The following PGBD2 variants were observed in gnomAD, a reference collection of about 807,000 sequenced individuals.
PGBD2 encodes the protein piggyBac transposable element-derived protein 2.
PGBD2 carries 6 observed loss-of-function variants against 8.1 expected under a neutral mutation model. The observed-to-expected ratio is 0.74, with a 90% confidence interval of 0.40 to 1.46. The LOEUF is 1.46. PGBD2 is among the 40% of genes most tolerant of loss of function. The pLI is 0.02. For missense variants in PGBD2, 802 were observed against 739.0 expected (o/e 1.09, Z -0.99); for synonymous variants, 318 against 272.2 (o/e 1.17, Z -1.66).
In PGBD2 at chr1:248,916,799, G is replaced by T; in HGVS notation, c.215G>T (p.Gly72Val). 1 of 1,614,166 alleles carries T rather than the reference G, an allele frequency of 6.2e-7. No homozygotes were observed. The highest frequency in any genetic ancestry group is 8.5e-7 in the Non-Finnish European group (1 of 1,180,016). ...EDSQRGAHLP[G>V]SVLHASVLCE... ...AGCCAGCGAGGTGCTCACCTACCTGGCAGTGTGCTGCATGCTTCAGTCCTG... is the reference window on the plus strand; with the variant it reads ...AGCCAGCGAGGTGCTCACCTACCTGTCAGTGTGCTGCATGCTTCAGTCCTG... Residue 72 changes from glycine to valine, a missense_variant, in exon 3 of 3, where the codon GGC becomes GTC. Physicochemically the swap from Gly to Val is moderately radical, Grantham distance 109. Coordinates refer to ENST00000329291, the MANE Select transcript of PGBD2 (RefSeq NM_170725.3).
At chr1:248,928,655 T>A in the PGBD2 span, among the ~76,000 whole-genome samples, 2 of 152,220 alleles carry the variant, frequency 1.3e-5, no homozygotes, top group African/African-American at 4.8e-5. Flanking sequence ...TAAGAGGACC[T>A]TGTGCATGAA....
chr1:248,905,233 CA>C (rs1248813857), upstream of PGBD2, among the ~76,000 whole-genome samples: 2 of 151,894 alleles, frequency 1.3e-5, no homozygotes, highest in Non-Finnish European at 2.9e-5. Flanking sequence ...TTACAGTGAC[CA>C]AAAAACCTTT....
At chr1:248,919,192 T>C (rs1662230603), downstream of PGBD2, 2 of 167,076 alleles carry the variant, frequency 1.2e-5, no homozygotes, top group South Asian at 2.1e-4. Flanking sequence ...TCATTCTTTC[T>C]ATTTTTTCAT....
At chr1:248,914,631 T>C (rs1432349834) in intron 2 of PGBD2, 3 of 1,280,434 alleles carry the variant, frequency 2.3e-6, no homozygotes, top group South Asian at 1.2e-5. Flanking sequence ...CACGTAGAGG[T>C]TGGGGCCTGC....
At chr1:248,922,660 G>A (rs1303111737), downstream of PGBD2, among the ~76,000 whole-genome samples, 2 of 152,114 alleles carry the variant, frequency 1.3e-5, no homozygotes, top group African/African-American at 2.4e-5. Flanking sequence ...AGAGTTTTTA[G>A]CATGAAGGGC....
chr1:248,873,875 T>C, the PGBD2 span, among the ~76,000 whole-genome samples: 3 of 152,210 alleles, frequency 2.0e-5, no homozygotes, highest in East Asian at 1.9e-4. Context: ...CCGAGTGGTC[T>C]AAGGCGCCAG....
the PGBD2 span, among the ~76,000 whole-genome samples, chr1:248,879,378 T>G: frequency 2.6e-5 from 4 of 152,188 alleles, no homozygotes; most frequent in Non-Finnish European, 4.4e-5. Context: ...ATTAAATTGG[T>G]GGCCTTTGAA....
rs1466638016 is a variant in PGBD2 at position 248,917,091 on chromosome 1, T to A, written c.507T>A (p.Asn169Lys). 1 of 1,613,738 alleles carries A rather than the reference T, an allele frequency of 6.2e-7. No individual in the cohort carries two copies. Among genetic ancestry groups the A allele is most frequent in the South Asian group, 1.1e-5 (1 of 90,976 alleles). Residue 169 changes from asparagine to lysine, a missense_variant, in exon 3 of 3, where the codon AAT becomes AAA. Asn to Lys is a moderately conservative substitution (Grantham distance 94). Coordinates refer to ENST00000329291, the MANE Select transcript of PGBD2 (RefSeq NM_170725.3). ...CCAATCGTTATGCTTGGCAGAAAAATGTCAATTTGAGTCTTACGGCTCAGG... is the reference window on the plus strand; with the variant it reads ...CCAATCGTTATGCTTGGCAGAAAAAAGTCAATTTGAGTCTTACGGCTCAGG... Reference protein sequence around the residue: ...NETNRYAWQKNVNLSLTAQEL... With the variant: ...NETNRYAWQKKVNLSLTAQEL...
the PGBD2 span, among the ~76,000 whole-genome samples, chr1:248,894,698 C>CTTT: frequency 6.9e-6 from 1 of 144,540 alleles, no homozygotes; most frequent in African/African-American, 2.8e-5. Context: ...TCCCTCCCTC[C>CTTT]CTCCTTTCTT....
downstream of PGBD2, among the ~76,000 whole-genome samples, chr1:248,921,034 A>G (rs148654337): frequency 8.5e-3 from 1,272 of 149,928 alleles, 14 homozygotes; most frequent in African/African-American, 0.028. Flanking sequence ...TAGATTCTGG[A>G]TATTAGCCCT....
In PGBD2 at chr1:248,911,895, C is replaced by T. The variant is rs572736591; in HGVS notation, c.-47-1921C>T. ...AGGGAGACAGAGAAGGATATGACAC[C>T]AGGTGGGAGAGTTATTGGAGATGCG... is the stretch of plus-strand genomic sequence containing the variant. On this transcript the variant is annotated intron_variant, in intron 1 of 2. Coordinates refer to ENST00000329291, the MANE Select transcript of PGBD2 (RefSeq NM_170725.3). 3.5e-4 allele frequency among the ~76,000 whole-genome samples: 53 copies of T among 151,794 alleles called. No individual in the cohort carries two copies. In the East Asian group the frequency reaches 7.2e-3, roughly 21 times the overall value.
the PGBD2 span, among the ~76,000 whole-genome samples, chr1:248,929,660 G>A: frequency 2.0e-5 from 3 of 152,176 alleles, no homozygotes; most frequent in Non-Finnish European, 2.9e-5. Flanking sequence ...TGTGAGCTCA[G>A]ACACCATCAT....
Position 248,917,941 on chromosome 1 carries a change from G to T in PGBD2, c.1357G>T (p.Val453Leu). The T allele has an allele frequency of 6.2e-7, 1 of 1,614,224 alleles. No individual in the cohort carries two copies. Among genetic ancestry groups the T allele is most frequent in the Non-Finnish European group, 8.5e-7 (1 of 1,180,042 alleles). Reference sequence around the variant, plus strand: ...GACTCAGGTCCACCAGCCATCACTGGTGAAGCTGTATCAGGAGAAGGTGGG... The same window carrying T: ...GACTCAGGTCCACCAGCCATCACTGTTGAAGCTGTATCAGGAGAAGGTGGG... ...TRTQVHQPSL[V>L]KLYQEKVGGV... Residue 453 changes from valine (V) to leucine (L), a missense_variant, in exon 3 of 3, where the codon GTG (valine) becomes TTG (leucine). Coordinates refer to ENST00000329291, the MANE Select transcript of PGBD2 (RefSeq NM_170725.3).
the PGBD2 span, among the ~76,000 whole-genome samples, chr1:248,887,466 G>A: frequency 2.6e-5 from 4 of 152,214 alleles, no homozygotes; most frequent in Admixed American, 2.6e-4. Flanking sequence ...CATTTGGCAA[G>A]AGTGCCACAG....
rs139567720 is a variant in PGBD2, at chr1:248,918,203, G to A, written c.1619G>A (p.Arg540Gln). The A allele has an allele frequency of 1.4e-4, 230 of 1,614,148 alleles. 3 individuals are homozygous for A. Among genetic ancestry groups the A allele is most frequent in the South Asian group, 1.4e-3 (125 of 91,086 alleles). ...DTTSQGRRSR[R>Q]LETESRFDMI... The stretch of plus-strand genomic sequence containing the variant: ...ACATCTCAAGGGAGGCGAAGCAGGC[G>A]GTTGGAGACTGAGAGCCGCTTCGAT... The change falls in exon 3 of 3, where the codon CGG (arginine) becomes CAG (glutamine). Residue 540 changes from arginine to glutamine, a missense_variant. Physicochemically the swap from Arg to Gln is conservative, Grantham distance 43. Transcript: ENST00000329291.
chr1:248,880,016 G>A, the PGBD2 span, among the ~76,000 whole-genome samples: 1 of 152,188 alleles, frequency 6.6e-6, no homozygotes, highest in Non-Finnish European at 1.5e-5. Flanking sequence ...TGGAGTCTGA[G>A]TGCTTCTGCT....
intron 1 of PGBD2, among the ~76,000 whole-genome samples, 161 bp from the exon 2 acceptor site, chr1:248,913,655 G>T (rs1483930495): frequency 6.6e-6 from 1 of 152,142 alleles, no homozygotes; most frequent in Non-Finnish European, 1.5e-5. Flanking sequence ...GTGAGATGAA[G>T]GAGTTTGTTC....
upstream of PGBD2, among the ~76,000 whole-genome samples, chr1:248,902,146 G>A (rs192719340): frequency 1.9e-3 from 284 of 152,078 alleles, no homozygotes; most frequent in African/African-American, 6.5e-3. Flanking sequence ...GCACACACCT[G>A]TAGTCCTAGC....
In PGBD2 at chr1:248,918,923, T is replaced by A. The variant is rs1176519451; in HGVS notation, c.*560T>A. 6.0e-6 allele frequency: 1 copy of A among 167,096 alleles called. No homozygotes were observed. Among genetic ancestry groups the A allele is most frequent in the Non-Finnish European group, 1.5e-5 (1 of 68,126 alleles). The allele number at this position is 167,096 out of a possible 1,614,324, so 10.4% of individuals were successfully genotyped here. On this transcript the variant is annotated 3_prime_UTR_variant, in exon 3 of 3. Coordinates refer to ENST00000329291, the MANE Select transcript of PGBD2 (RefSeq NM_170725.3). ...CTAATACACATATATCAATGTGAGA[T>A]TCATTTTTGTAAAAAAAATTATTTT...
Sources: gnomAD v4.1 joint callset for allele counts (sites outside exome capture counted in the v4.1 genomes callset) on GRCh38, gnomAD v4.1.1 for gene constraint, MANE v1.5 for transcripts, NCBI Gene and HGNC (gene_info 2026-07-23, HGNC 2026-07-21) for gene names.